Variants in ACTN1 observed in about 807,000 individuals in gnomAD.
ACTN1 encodes the protein alpha-actinin-1.
In ACTN1, 30 loss-of-function variants were observed where a neutral mutation model predicts 119.6. The observed-to-expected ratio is 0.25, with a 90% CI of 0.19 to 0.34. The LOEUF is 0.34. Among genes scored for constraint, ACTN1 ranks in the 10% least tolerant of loss-of-function variants. The pLI, the probability that ACTN1 is intolerant of heterozygous loss-of-function variation, is 1.00. For synonymous variants in ACTN1, 429 were observed against 472.6 expected (o/e 0.91, Z 1.20); for missense variants, 764 against 1,223.4 (o/e 0.62, Z 5.60).
intron 9 of ACTN1, among the ~76,000 whole-genome samples, chr14:68,892,505 C>T (rs917012334): frequency 5.9e-5 from 9 of 152,110 alleles, no homozygotes; most frequent in Admixed American, 1.3e-4. Flanking sequence ...TAGGGTACAT[C>T]GACTCACAGT....
At chr14:68,943,372 C>CG (rs879674129) in intron 1 of ACTN1, among the ~76,000 whole-genome samples, 7 of 152,196 alleles carry the variant, frequency 4.6e-5, no homozygotes, top group Admixed American at 3.9e-4. Flanking sequence ...CAGGGCAGGA[C>CG]GGGACAAGGG....
At chr14:68,907,438 C>T (rs2033732084) in intron 6 of ACTN1, among the ~76,000 whole-genome samples, 1 of 151,412 alleles carries the variant, frequency 6.6e-6, no homozygotes, top group African/African-American at 2.4e-5. Flanking sequence ...CTGGCGTGCG[C>T]CTGTAATCCC....
Position 68,878,274 on chromosome 14 carries a change from C to T in ACTN1, c.2427+184G>A. On this transcript the variant is annotated intron_variant, in intron 20 of 21. Coordinates refer to ENST00000394419, the MANE Select transcript of ACTN1 (RefSeq NM_001130004.2). This position sits in a 1 kb window ranked among gnomAD's most constrained non-coding sequence, Gnocchi z 4.4. Reference sequence around the variant, plus strand: ...GAGGAGGTCAGGCCTCCCGGATACACACACGCCCGTGGCCGGGCCGGCTTT... The same window carrying T: ...GAGGAGGTCAGGCCTCCCGGATACATACACGCCCGTGGCCGGGCCGGCTTT... The T allele has an allele frequency of 1.3e-6, 1 of 789,940 alleles. No homozygotes were observed. The allele number at this position is 789,940 out of a possible 1,614,324, so 48.9% of individuals were successfully genotyped here.
intron 8 of ACTN1, among the ~76,000 whole-genome samples, chr14:68,897,352 T>C (rs2032954548): frequency 6.6e-6 from 1 of 152,260 alleles, no homozygotes; most frequent in African/African-American, 2.4e-5. Context: ...ATACACTTTG[T>C]TGTATATTCA....
At chr14:68,876,479 G>T (rs2030906797) in intron 21 of ACTN1, among the ~76,000 whole-genome samples, 1 of 152,072 alleles carries the variant, frequency 6.6e-6, no homozygotes, top group African/African-American at 2.4e-5. Flanking sequence ...GCTGGAGATG[G>T]CTGTGGTTCT....
chr14:68,921,284 G>T, intron 2 of ACTN1, 159 bp from the exon 3 acceptor site: 1 of 836,740 alleles, frequency 1.2e-6, no homozygotes, highest in Non-Finnish European at 1.7e-6. Context: ...AGGGGCTGGA[G>T]AATGTCACCC....
chr14:68,969,817 G>A (rs1030793196), intron 1 of ACTN1, among the ~76,000 whole-genome samples: 1 of 152,118 alleles, frequency 6.6e-6, no homozygotes. Flanking sequence ...CAGACATAAG[G>A]AGAAAAGATA....
chr14:68,958,331 G>A (rs2036419940), intron 1 of ACTN1, among the ~76,000 whole-genome samples: 1 of 152,136 alleles, frequency 6.6e-6, no homozygotes. Context: ...ACTAGCAGGG[G>A]ACTGTCCGAG....
At chr14:68,950,455 C>CGT (rs1555358212) in intron 1 of ACTN1, among the ~76,000 whole-genome samples, 1 of 137,696 alleles carries the variant, frequency 7.3e-6, no homozygotes, top group East Asian at 1.9e-4. Flanking sequence ...AATATATATG[C>CGT]GTGTGTGTAT....
chr14:68,958,609 G>A (rs2036429636), intron 1 of ACTN1, among the ~76,000 whole-genome samples: 1 of 151,848 alleles, frequency 6.6e-6, no homozygotes, highest in Non-Finnish European at 1.5e-5. Flanking sequence ...GATCCTTTCC[G>A]AGTATGATCA....
At chr14:68,932,681 G>T (rs2035280862) in intron 1 of ACTN1, among the ~76,000 whole-genome samples, 1 of 151,994 alleles carries the variant, frequency 6.6e-6, no homozygotes, top group African/African-American at 2.4e-5. Flanking sequence ...TGTTAGAAGA[G>T]TTCAGTCAGA....
At chr14:68,884,416 T>C in intron 13 of ACTN1, 108 bp from the exon 14 acceptor site, 4 of 1,329,900 alleles carry the variant, frequency 3.0e-6, no homozygotes, top group Non-Finnish European at 3.1e-6. Context: ...ACTGACTCAA[T>C]CAGGCAGAAA....
At chr14:68,976,799 G>A (rs939303285) in intron 1 of ACTN1, among the ~76,000 whole-genome samples, 1 of 152,162 alleles carries the variant, frequency 6.6e-6, no homozygotes, top group East Asian at 1.9e-4. Context: ...GTCCTTGTTC[G>A]TGCCTGGCAC....
At chr14:68,896,425 A>T (rs770324350) in intron 8 of ACTN1, among the ~76,000 whole-genome samples, 1 of 152,106 alleles carries the variant, frequency 6.6e-6, no homozygotes, top group South Asian at 2.1e-4. Flanking sequence ...GGCCCACGGG[A>T]CACGATCCCG....
intron 1 of ACTN1, among the ~76,000 whole-genome samples, chr14:68,927,324 C>T (rs1346741830): frequency 1.3e-5 from 2 of 152,310 alleles, no homozygotes; most frequent in South Asian, 4.1e-4. Flanking sequence ...ACCCATTATG[C>T]CTAGCCACTT....
At chr14:68,887,871 C>G (rs1406278037) in intron 11 of ACTN1, 3 of 832,326 alleles carry the variant, frequency 3.6e-6, no homozygotes, top group Non-Finnish European at 6.4e-6. Flanking sequence ...GCAGGTAAAT[C>G]TTTAGTTTCT....
chr14:68,908,461 C>A (rs1049159706), intron 6 of ACTN1, among the ~76,000 whole-genome samples: 1 of 152,152 alleles, frequency 6.6e-6, no homozygotes, highest in African/African-American at 2.4e-5. Context: ...CAAGTCCAGC[C>A]GCTCCTTGAA....
At position 68,979,065 on chromosome 14, in the gene ACTN1, G is replaced by A; in HGVS notation, c.-9C>T. ...GAATCATAATGGTCCATGATGGTGC[G>A]CGCGTGCTAGGGTCTGGATTTCTTC... On this transcript the variant is annotated 5_prime_UTR_variant, in exon 1 of 22. Coordinates refer to ENST00000394419, the MANE Select transcript of ACTN1 (RefSeq NM_001130004.2). 1 of 1,563,262 alleles carries A rather than the reference G, an allele frequency of 6.4e-7. No homozygotes were observed. Among genetic ancestry groups the A allele is most frequent in the Non-Finnish European group, 8.7e-7 (1 of 1,144,972 alleles).
chr14:68,949,006 C>T (rs2036039236), intron 1 of ACTN1, among the ~76,000 whole-genome samples: 1 of 152,198 alleles, frequency 6.6e-6, no homozygotes, highest in Non-Finnish European at 1.5e-5. Flanking sequence ...CTCTGGGGCC[C>T]AACTTGGTGA....
Sources: gnomAD v4.1 joint callset for allele counts (sites outside exome capture counted in the v4.1 genomes callset) on GRCh38, gnomAD v4.1.1 for gene constraint, Gnocchi (gnomAD v3.1) non-coding constraint, MANE v1.5 for transcripts, NCBI Gene and HGNC (gene_info 2026-07-23, HGNC 2026-07-21) for gene names.